SLC1A5: variants seen among roughly 807,000 people sequenced by gnomAD.
SLC1A5 encodes the protein neutral amino acid transporter B(0).
In SLC1A5, 25 loss-of-function variants were observed where a neutral mutation model predicts 34.9. The observed-to-expected ratio is 0.72, with a 90% CI of 0.52 to 1.00. The LOEUF is 1.00. SLC1A5 is among the 50% of genes least tolerant of loss of function. The probability of loss-of-function intolerance (pLI) is 0.00; values close to 1 mark genes in which losing one functional copy is unlikely to be tolerated. For missense variants in SLC1A5, 637 were observed against 740.0 expected, an observed-to-expected ratio of 0.86 and a Z score of 1.61; for synonymous variants, 351 against 341.2, an observed-to-expected ratio of 1.03 and a Z score of -0.32.
chr19:46,780,010 G>T (rs908268477), intron 4 of SLC1A5, among the ~76,000 whole-genome samples: 2 of 151,860 alleles, frequency 1.3e-5, no homozygotes, highest in East Asian at 3.9e-4. Context: ...GTGCTACCAC[G>T]CCCAGCTAAT....
At position 46,784,112 on chromosome 19, in the gene SLC1A5, G is replaced by T; in HGVS notation, c.642C>A (p.Thr214=). The change falls in exon 3 of 8, where the codon ACC becomes ACA. Residue 214 remains threonine, a synonymous_variant. Coordinates refer to ENST00000542575, the MANE Select transcript of SLC1A5 (RefSeq NM_005628.3). The part of the protein sequence containing the change: ...YSTTYEERNI[T]GTRVKVPVGQ... The stretch of plus-strand genomic sequence containing the variant: ...CTGCTCTCACCTTCACCCTGGTTCC[G>T]GTGATATTCCTCTCTTCATAGGTGG... 1.2e-6 allele frequency: 2 copies of T among 1,613,334 alleles called. No individual in the cohort carries two copies. The highest frequency in any genetic ancestry group is 1.7e-6 in the Non-Finnish European group (2 of 1,179,396).
rs901957891 is a variant in SLC1A5 at position 46,777,864 on chromosome 19, A to G, written c.1059-459T>C. Among the ~76,000 whole-genome samples the G allele has an allele frequency of 4.0e-5, 6 of 148,680 alleles. No individual in the cohort carries two copies. The South Asian group carries it at 1.3e-3, about 32-fold the overall frequency. On this transcript the variant is annotated intron_variant, in intron 5 of 7. Coordinates refer to ENST00000542575, the MANE Select transcript of SLC1A5 (RefSeq NM_005628.3). ...CCCCCAGCCCTCACTTGCTATATCTAAGCTCTTTTCCCACAAGCAGGCAGC... is the reference window on the plus strand; with the variant it reads ...CCCCCAGCCCTCACTTGCTATATCTGAGCTCTTTTCCCACAAGCAGGCAGC...
Position 46,787,600 on chromosome 19 carries a change from G to C in SLC1A5, c.366C>G (p.Gly122=). The C allele has an allele frequency of 6.4e-7, 1 of 1,561,562 alleles. No homozygotes were observed. Among genetic ancestry groups the C allele is most frequent in the Non-Finnish European group, 8.7e-7 (1 of 1,155,824 alleles). The change falls in exon 1 of 8, where the codon GGC becomes GGG. Residue 122 remains glycine (G), a synonymous_variant. Transcript: ENST00000542575. The surrounding 1 kb of genome is among the most constrained non-coding windows in gnomAD (Gnocchi z 5.2). ...LIGGAASLDP[G]ALGRLGAWAL... Reference sequence around the variant, plus strand: ...CCCAGGCGCCCAGACGGCCGAGCGCGCCGGGGTCCAGGCTGGCGGCGCCGC... The same window carrying C: ...CCCAGGCGCCCAGACGGCCGAGCGCCCCGGGGTCCAGGCTGGCGGCGCCGC...
chr19:46,786,364 G>A (rs1250946205), intron 1 of SLC1A5, among the ~76,000 whole-genome samples: 1 of 152,194 alleles, frequency 6.6e-6, no homozygotes, highest in African/African-American at 2.4e-5. Flanking sequence ...CGCAGGGGAG[G>A]CCTGTGCTCA....
intron 1 of SLC1A5, 122 bp from the exon 2 acceptor site, chr19:46,784,681 A>T: frequency 6.2e-7 from 1 of 1,600,128 alleles, no homozygotes; most frequent in Non-Finnish European, 8.5e-7. Flanking sequence ...CTGCACGCAA[A>T]TACAGCCCCT....
In SLC1A5 at chr19:46,775,199, C is replaced by T. The variant is rs1297695569; in HGVS notation, c.*311G>A. ...TCCCCATGGTGACCTGTGACCTGCT[C>T]CCTGAGACAGGGGAGGCCAGGCAGG... is the stretch of plus-strand genomic sequence containing the variant. On this transcript the variant is annotated 3_prime_UTR_variant, in exon 8 of 8. Coordinates refer to ENST00000542575, the MANE Select transcript of SLC1A5 (RefSeq NM_005628.3). The T allele has an allele frequency of 9.1e-7, 1 of 1,100,242 alleles. No homozygotes were observed. Among genetic ancestry groups the T allele is most frequent in the East Asian group, 6.7e-5 (1 of 15,018 alleles). The allele number at this position is 1,100,242 out of a possible 1,614,324, so 68.2% of individuals were successfully genotyped here.
In SLC1A5 at chr19:46,775,454, A is replaced by G. The variant is rs2055077800; in HGVS notation, c.*56T>C. The G allele has an allele frequency of 6.4e-7, 1 of 1,554,086 alleles. No individual in the cohort carries two copies. Among genetic ancestry groups the G allele is most frequent in the Non-Finnish European group, 8.7e-7 (1 of 1,152,202 alleles). Reference sequence around the variant, plus strand: ...TAGCTCATCCATTTATCCATTCCTCATAATCCAGTGTCCAAAGAGCACCCC... The same window carrying G: ...TAGCTCATCCATTTATCCATTCCTCGTAATCCAGTGTCCAAAGAGCACCCC... On this transcript the variant is annotated 3_prime_UTR_variant, in exon 8 of 8. Coordinates refer to ENST00000542575, the MANE Select transcript of SLC1A5 (RefSeq NM_005628.3).
chr19:46,781,973 A>T (rs998251162), intron 4 of SLC1A5, among the ~76,000 whole-genome samples: 1 of 152,062 alleles, frequency 6.6e-6, no homozygotes, highest in African/African-American at 2.4e-5. Flanking sequence ...CGCTTACTGC[A>T]ACTTCCGCCT....
chr19:46,777,624 G>A (rs1344312358), intron 5 of SLC1A5, among the ~76,000 whole-genome samples: 1 of 48,734 alleles, frequency 2.1e-5, no homozygotes, highest in South Asian at 6.9e-4. Context: ...TTGAAGCCCC[G>A]CCCACCCAGA....
At position 46,784,501 on chromosome 19, in the gene SLC1A5, AC is replaced by A. The variant is rs781197667; in HGVS notation, c.609+15del. The A allele has an allele frequency of 6.2e-7, 1 of 1,613,518 alleles. No homozygotes were observed. The highest frequency in any genetic ancestry group is 1.1e-5 in the South Asian group (1 of 91,068). Reference sequence around the variant, plus strand: ...CTGTCCACCCCCATCCCCTCAGGACACCCCTGAGGACTCACTGAGCGAAAGG... The same window carrying A: ...CTGTCCACCCCCATCCCCTCAGGACACCCTGAGGACTCACTGAGCGAAAGG... On this transcript the variant is annotated intron_variant, in intron 2 of 7. Coordinates refer to ENST00000542575, the MANE Select transcript of SLC1A5 (RefSeq NM_005628.3).
intron 7 of SLC1A5, 21 bp downstream of exon 7, chr19:46,776,954 A>T: frequency 1.2e-6 from 2 of 1,609,544 alleles, no homozygotes; most frequent in Non-Finnish European, 1.7e-6. Context: ...GCCCTGCCCC[A>T]GTCTCCAGAC....
At chr19:46,783,280 A>C (rs996315424) in intron 3 of SLC1A5, among the ~76,000 whole-genome samples, 5 of 152,092 alleles carry the variant, frequency 3.3e-5, no homozygotes, top group African/African-American at 9.7e-5. Flanking sequence ...ACTGACCAAC[A>C]TGGAGAAACC....
In SLC1A5 at chr19:46,787,524, C is replaced by A; in HGVS notation, c.442G>T (p.Gly148Cys). The A allele has an allele frequency of 6.3e-7, 1 of 1,576,166 alleles. No individual in the cohort carries two copies. Among genetic ancestry groups the A allele is most frequent in the Non-Finnish European group, 8.6e-7 (1 of 1,161,908 alleles). ...CCCGGCTGCAGAGCCAGCGCCAAGC[C>A]CACTCCGAGCGCCGACGCCAGCAGC... ...TTLLASALGV[G>C]LALALQPGAA... Residue 148 changes from glycine (G) to cysteine (C), a missense_variant, in exon 1 of 8, where the codon GGC becomes TGC. Coordinates refer to ENST00000542575, the MANE Select transcript of SLC1A5 (RefSeq NM_005628.3). This position sits in a 1 kb window ranked among gnomAD's most constrained non-coding sequence, Gnocchi z 5.2.
chr19:46,775,027 G>C lies in SLC1A5; in HGVS notation c.*483C>G. 1.0e-6 allele frequency: 1 copy of C among 987,328 alleles called. No homozygotes were observed. The highest frequency in any genetic ancestry group is 4.7e-5 in the South Asian group (1 of 21,416). The allele number at this position is 987,328 out of a possible 1,614,324, so 61.2% of individuals were successfully genotyped here. The stretch of plus-strand genomic sequence containing the variant: ...AGGGGATCTGGGGACAGGGTGGGAC[G>C]TACCATGGGGACAGGAGGTCACAGA... On this transcript the variant is annotated 3_prime_UTR_variant, in exon 8 of 8. Coordinates refer to ENST00000542575, the MANE Select transcript of SLC1A5 (RefSeq NM_005628.3).
At position 46,788,542 on chromosome 19, in the gene SLC1A5, G is replaced by C. The variant is rs1376292593; in HGVS notation, c.-577C>G. 1 of 152,550 alleles carries C rather than the reference G, an allele frequency of 6.6e-6. No homozygotes were observed. The highest frequency in any genetic ancestry group is 1.9e-4 in the East Asian group (1 of 5,190). The allele number at this position is 152,550 out of a possible 1,614,324, so 9.4% of individuals were successfully genotyped here. A position where few individuals can be genotyped will look rare whatever the true frequency, so the allele number is the denominator to read the frequency against. The stretch of plus-strand genomic sequence containing the variant: ...TACGGAAGGCGGTGGTCTGGTGTCC[G>C]GGAGTAGCGGTTACCAGCCAGAGAA... On this transcript the variant is annotated 5_prime_UTR_variant, in exon 1 of 8. Transcript: ENST00000542575.
intron 4 of SLC1A5, 37 bp downstream of exon 4, chr19:46,782,346 A>ACCCCCCCCCCCCCCCCCCCCCCCACCAC: frequency 1.8e-6 from 1 of 567,986 alleles, no homozygotes; most frequent in East Asian, 3.6e-5. Flanking sequence ...CGACCCTCCA[A>ACCCCCCCCCCCCCCCCCCCCCCCACCAC]CCCCACCCAC....
At position 46,777,233 on chromosome 19, in the gene SLC1A5, A is replaced by C; in HGVS notation, c.1231T>G (p.Phe411Val). ...CACAGGATGGTGATGATCTTTACGA[A>C]GTCCAAGGACTGCTGGCTGAGCTGT... ...IAQLSQQSLD[F>V]VKIITILVTA... Residue 411 changes from phenylalanine (F) to valine (V), a missense_variant, in exon 6 of 8, where the codon TTC becomes GTC. Transcript: ENST00000542575. The C allele has an allele frequency of 6.2e-7, 1 of 1,606,732 alleles. No homozygotes were observed.
Position 46,782,339 on chromosome 19 carries a change from CCCTCCAACCCCACCCACCCCCAGCCT to C in SLC1A5, c.824+18_824+43del. 1 of 831,054 alleles carries C rather than the reference CCCTCCAACCCCACCCACCCCCAGCCT, an allele frequency of 1.2e-6. No homozygotes were observed. The highest frequency in any genetic ancestry group is 2.0e-6 in the Non-Finnish European group (1 of 512,390). The allele number at this position is 831,054 out of a possible 1,614,324, so 51.5% of individuals were successfully genotyped here. A position where few individuals can be genotyped will look rare whatever the true frequency, so the allele number is the denominator to read the frequency against. On this transcript the variant is annotated intron_variant, in intron 4 of 7. Coordinates refer to ENST00000542575, the MANE Select transcript of SLC1A5 (RefSeq NM_005628.3). ...GCACCTGCCTCTGGCAGCAGACCGA[CCCTCCAACCCCACCCACCCCCAGCCT>C]CCTCTCCCACCACCTACCACATGAT... is the stretch of plus-strand genomic sequence containing the variant.
Position 46,787,346 on chromosome 19 carries a change from C to A in SLC1A5, c.566+54G>T. On this transcript the variant is annotated intron_variant, in intron 1 of 7. Transcript: ENST00000542575. The surrounding 1 kb of genome is among the most constrained non-coding windows in gnomAD (Gnocchi z 5.2). ...CAAAGCCCCGTCCTGTCCACGTGAC[C>A]ACTCCCGCCATCCGTAACACTCTTC... is the stretch of plus-strand genomic sequence containing the variant. 1 of 1,550,340 alleles carries A rather than the reference C, an allele frequency of 6.5e-7. No individual in the cohort carries two copies. The highest frequency in any genetic ancestry group is 1.2e-5 in the South Asian group (1 of 84,100).
Sources: gnomAD v4.1 joint callset for allele counts (sites outside exome capture counted in the v4.1 genomes callset) on GRCh38, gnomAD v4.1.1 for gene constraint, Gnocchi (gnomAD v3.1) non-coding constraint, MANE v1.5 for transcripts, NCBI Gene and HGNC (gene_info 2026-07-23, HGNC 2026-07-21) for gene names.